The following DHX38 variants were observed in gnomAD, a reference collection of about 807,000 sequenced individuals.
The protein encoded by DHX38 is DEAH-box helicase 38.
A neutral mutation model predicts 153.1 loss-of-function variants in DHX38; 100 were observed. That is an observed-to-expected ratio of 0.65 (90% CI 0.56 to 0.77). The LOEUF is 0.77. DHX38 is among the 30% of genes least tolerant of loss of function. DHX38 has a pLI of 0.00. For synonymous variants in DHX38, 650 were observed against 631.7 expected (o/e 1.03, Z -0.43); for missense variants, 1,440 against 1,654.0 (o/e 0.87, Z 2.24).
rs1325817151 is a variant in DHX38, at chr16:72,108,324, A to G, written c.3062A>G (p.Asn1021Ser). The change falls in exon 22 of 27, where the codon AAT becomes AGT. Residue 1021 changes from asparagine to serine, a missense_variant. Asn to Ser is a conservative substitution (Grantham distance 46, BLOSUM62 1). This residue lies in a region of DHX38 where 543 missense variants were observed against 717.9 expected (regional missense o/e 0.76). Transcript: ENST00000268482. ...AATGTTTACCTGCAGTGGAAGAACAATAATTACTCCACCATCTGGTGTAAC... is the reference window on the plus strand; with the variant it reads ...AATGTTTACCTGCAGTGGAAGAACAGTAATTACTCCACCATCTGGTGTAAC... ...YLNVYLQWKN[N>S]NYSTIWCNDH... is the part of the protein sequence containing the mutation. 1 of 1,614,178 alleles carries G rather than the reference A, an allele frequency of 6.2e-7. No individual in the cohort carries two copies.
At chr16:72,099,520 C>T (rs890718019) in intron 7 of DHX38, among the ~76,000 whole-genome samples, 1 of 151,778 alleles carries the variant, frequency 6.6e-6, no homozygotes. Flanking sequence ...GAAGTGCTAT[C>T]GTGATGGGCT....
rs374501024 is a variant in DHX38, at chr16:72,107,623, C to T, written c.2810-22C>T. On this transcript the variant is annotated intron_variant, in intron 20 of 26. Transcript: ENST00000268482. This position sits in a 1 kb window ranked among gnomAD's most constrained non-coding sequence, Gnocchi z 5.3. ...TTCCTCTACTGTCCCGTCAAATATC[C>T]GGGTTTGCTCATCTCTCCTAGGTGG... The T allele has an allele frequency of 1.2e-5, 20 of 1,611,078 alleles. No homozygotes were observed. The highest frequency in any genetic ancestry group is 5.3e-5 in the African/African-American group (4 of 74,850).
intron 25 of DHX38, among the ~76,000 whole-genome samples, chr16:72,109,926 TCTGA>T (rs1256580770): frequency 6.6e-6 from 1 of 152,200 alleles, no homozygotes; most frequent in Non-Finnish European, 1.5e-5. Context: ...AGTATGTGTC[TCTGA>T]CTAAAAGGAC....
Position 72,107,711 on chromosome 16 carries a change from T to A in DHX38, c.2876T>A (p.Leu959His). 1 of 1,614,132 alleles carries A rather than the reference T, an allele frequency of 6.2e-7. No homozygotes were observed. Among genetic ancestry groups the A allele is most frequent in the Non-Finnish European group, 8.5e-7 (1 of 1,180,018 alleles). The change falls in exon 21 of 27, where the codon CTC (leucine) becomes CAC (histidine). Residue 959 changes from leucine (L) to histidine (H), a missense_variant. By Grantham distance (99) the Leu-to-His change is moderately conservative. This residue lies in a region of DHX38 where 543 missense variants were observed against 717.9 expected (regional missense o/e 0.76). Transcript: ENST00000268482. The surrounding 1 kb of genome is among the most constrained non-coding windows in gnomAD (Gnocchi z 5.3). ...FPLDPALSKMLIVSCDMGCSS... is the reference protein window; with the variant it reads ...FPLDPALSKMHIVSCDMGCSS... ...CTGGACCCTGCCCTGTCCAAGATGCTCATCGTGTCCTGTGACATGGGCTGC... is the reference window on the plus strand; with the variant it reads ...CTGGACCCTGCCCTGTCCAAGATGCACATCGTGTCCTGTGACATGGGCTGC...
At chr16:72,098,269 C>T (rs2144135845) in intron 4 of DHX38, among the ~76,000 whole-genome samples, 1 of 152,062 alleles carries the variant, frequency 6.6e-6, no homozygotes, top group South Asian at 2.1e-4. Context: ...CCCATCCCTA[C>T]TAAAAATACA....
At chr16:72,108,155 G>C (rs2042206275) in intron 21 of DHX38, 72 bp from the exon 22 acceptor site, 9 of 1,555,026 alleles carry the variant, frequency 5.8e-6, no homozygotes, top group Non-Finnish European at 7.9e-6. Context: ...GGTAGTGTTA[G>C]AACCTCTGGG....
chr16:72,108,218 C>T lies in DHX38; in HGVS notation c.2965-9C>T, dbSNP rs1193638456. 5 of 1,613,426 alleles carry T rather than the reference C, an allele frequency of 3.1e-6. No homozygotes were observed. Among genetic ancestry groups the T allele is most frequent in the Non-Finnish European group, 3.4e-6 (4 of 1,179,882 alleles). Reference sequence around the variant, plus strand: ...GTACTTAGAGTGAAGGTTCTTTTTCCCTTCCTAGGGTCGAGAGGAGGAGAG... The same window carrying T: ...GTACTTAGAGTGAAGGTTCTTTTTCTCTTCCTAGGGTCGAGAGGAGGAGAG... On this transcript the variant is annotated splice_polypyrimidine_tract_variant and intron_variant, in intron 21 of 26. Transcript: ENST00000268482.
Position 72,096,142 on chromosome 16 carries a change from A to G in DHX38, c.-16A>G. 6.3e-7 allele frequency: 1 copy of G among 1,583,730 alleles called. No homozygotes were observed. On this transcript the variant is annotated 5_prime_UTR_variant, in exon 2 of 27. Transcript: ENST00000268482. ...AAATGGTTTGCCTTCCTTCCAGAGA[A>G]ATCCCAGATCCTGTGATGGGGGACA...
intron 26 of DHX38, 34 bp from the exon 27 acceptor site, chr16:72,112,379 C>T (rs368791825): frequency 1.1e-5 from 17 of 1,598,214 alleles, no homozygotes; most frequent in Admixed American, 5.0e-5. Context: ...GGTGAGGGCA[C>T]GGTGTTTCCT....
In DHX38 at chr16:72,108,942, G is replaced by T; in HGVS notation, c.3381+17G>T. On this transcript the variant is annotated intron_variant, in intron 24 of 26. Transcript: ENST00000268482. ...ACCACCAAGGTGAGTCTTTTCCAAGGCACTTGCATAATGCAGGCCCCCTGT... is the reference window on the plus strand; with the variant it reads ...ACCACCAAGGTGAGTCTTTTCCAAGTCACTTGCATAATGCAGGCCCCCTGT... The T allele has an allele frequency of 1.3e-6, 2 of 1,588,070 alleles. No individual in the cohort carries two copies. The highest frequency in any genetic ancestry group is 1.7e-6 in the Non-Finnish European group (2 of 1,166,292).
rs763422008 is a variant in DHX38, at chr16:72,105,221, T to G, written c.2263-11T>G. The stretch of plus-strand genomic sequence containing the variant: ...GTTCCAGTGTCTCACAGCTCCTCCC[T>G]GGGCTCTCAGGTGACCTCAGACCAG... On this transcript the variant is annotated splice_polypyrimidine_tract_variant and intron_variant, in intron 16 of 26. Transcript: ENST00000268482. 8.1e-6 allele frequency: 13 copies of G among 1,614,018 alleles called. No homozygotes were observed. Among genetic ancestry groups the G allele is most frequent in the African/African-American group, 1.3e-5 (1 of 74,916 alleles).
rs766115446 is a variant in DHX38, at chr16:72,112,910, T to C, written c.*413T>C. The C allele has an allele frequency of 1.2e-5, 8 of 688,794 alleles. No individual in the cohort carries two copies. Among genetic ancestry groups the C allele is most frequent in the Non-Finnish European group, 1.9e-5 (7 of 377,076 alleles). The allele number at this position is 688,794 out of a possible 1,614,324, so 42.7% of individuals were successfully genotyped here. A position where few individuals can be genotyped will look rare whatever the true frequency, so the allele number is the denominator to read the frequency against. On this transcript the variant is annotated 3_prime_UTR_variant, in exon 27 of 27. Coordinates refer to ENST00000268482, the MANE Select transcript of DHX38 (RefSeq NM_014003.4). ...AAATAAATTTATTATTTGTAAAACA[T>C]GACTGCATGTCTGACTTTTTCCTTC...
At position 72,096,171 on chromosome 16, in the gene DHX38, G is replaced by A; in HGVS notation, c.14G>A (p.Ser5Asn). ...CCAGATCCTGTGATGGGGGACACCA[G>A]TGAGGATGCCTCGATCCATCGATTG... MGDTSEDASIHRLEG... is the reference protein window; with the variant it reads MGDTNEDASIHRLEG... Residue 5 changes from serine (S) to asparagine (N), a missense_variant, in exon 2 of 27, where the codon AGT (serine) becomes AAT (asparagine). Coordinates refer to ENST00000268482, the MANE Select transcript of DHX38 (RefSeq NM_014003.4). 1 of 1,601,574 alleles carries A rather than the reference G, an allele frequency of 6.2e-7. No individual in the cohort carries two copies. The highest frequency in any genetic ancestry group is 1.3e-5 in the African/African-American group (1 of 74,834).
intron 26 of DHX38, among the ~76,000 whole-genome samples, chr16:72,111,468 C>T (rs768073261): frequency 2.0e-5 from 3 of 152,220 alleles, no homozygotes; most frequent in Non-Finnish European, 2.9e-5. Context: ...AGAACGCCCT[C>T]ACTTCAGATA....
intron 1 of DHX38, among the ~76,000 whole-genome samples, chr16:72,095,397 A>T (rs916589434): frequency 6.6e-6 from 1 of 152,206 alleles, no homozygotes. Context: ...AAAAGCCACT[A>T]AAGTATGGAG....
At chr16:72,101,747 C>G (rs373691976) in intron 11 of DHX38, 135 bp downstream of exon 11, 3 of 659,816 alleles carry the variant, frequency 4.5e-6, no homozygotes, top group Middle Eastern at 8.4e-4. Context: ...ATCTTCCATT[C>G]TCTCTGGTCC....
intron 7 of DHX38, 26 bp from the exon 8 acceptor site, chr16:72,099,706 C>T: frequency 6.2e-7 from 1 of 1,613,202 alleles, no homozygotes; most frequent in Non-Finnish European, 8.5e-7. Context: ...GTCCCTCACT[C>T]CCTTGCTTTG....
At chr16:72,105,710 GC>G in intron 18 of DHX38, 86 bp downstream of exon 18, 1 of 1,339,038 alleles carries the variant, frequency 7.5e-7, no homozygotes, top group East Asian at 2.3e-5. Context: ...CTCGCTCCTG[GC>G]CCTGGGATGT....
In DHX38 at chr16:72,099,254, C is replaced by T. The variant is rs2042064435; in HGVS notation, c.934C>T (p.Arg312Trp). 13 of 1,612,566 alleles carry T rather than the reference C, an allele frequency of 8.1e-6. No homozygotes were observed. The highest frequency in any genetic ancestry group is 1.8e-4 in the Middle Eastern group (1 of 5,626). Residue 312 changes from arginine to tryptophan, a missense_variant, in exon 7 of 27, where the codon CGG becomes TGG. By Grantham distance (101) the Arg-to-Trp change is moderately radical (BLOSUM62 -3). Around this residue, in one of 6 missense-constraint regions of DHX38, gnomAD observed 483 missense variants for 465.1 expected, o/e 1.04. Transcript: ENST00000268482. ...AATTTCATTTGACACGGAGGAGGAGCGGCAGCAGTGGGAAGATGACCAGAG... is the reference window on the plus strand; with the variant it reads ...AATTTCATTTGACACGGAGGAGGAGTGGCAGCAGTGGGAAGATGACCAGAG... ...EGISFDTEEE[R>W]QQWEDDQRQA...
Sources: allele counts gnomAD v4.1 joint callset (sites outside exome capture counted in the v4.1 genomes callset), GRCh38; gene constraint gnomAD v4.1.1; regional missense constraint gnomAD v4.1.1; non-coding constraint Gnocchi (gnomAD v3.1); transcripts MANE v1.5; gene names NCBI Gene and HGNC (gene_info 2026-07-23, HGNC 2026-07-21).